The following CHD1L variants were observed in gnomAD, a reference collection of about 807,000 sequenced individuals.
The protein encoded by CHD1L is chromodomain helicase DNA binding protein 1 like, also known as ATP-dependent chromatin remodeler CHD1L.
In CHD1L, 118 loss-of-function variants were observed where a neutral mutation model predicts 115.9. That is an observed-to-expected ratio of 1.02 (90% CI 0.88 to 1.19). CHD1L has a LOEUF of 1.19. CHD1L is among the 50% of genes most tolerant of loss of function. The pLI, the probability that CHD1L is intolerant of heterozygous loss-of-function variation, is 0.00. For synonymous variants in CHD1L, 411 were observed against 387.1 expected (o/e 1.06, Z -0.72); for missense variants, 1,179 against 1,065.3 (o/e 1.11, Z -1.49).
chr1:147,258,011 A>G (rs1319810815), intron 5 of CHD1L, among the ~76,000 whole-genome samples: 8 of 152,210 alleles, frequency 5.3e-5, no homozygotes, highest in African/African-American at 1.9e-4. Context: ...TCCCAACAAC[A>G]TAGATACATT....
At chr1:147,190,731 G>A in the CHD1L span, among the ~76,000 whole-genome samples, 1 of 152,084 alleles carries the variant, frequency 6.6e-6, no homozygotes, top group African/African-American at 2.4e-5. Flanking sequence ...TGTGCACAAT[G>A]TGCAGGTTTG....
chr1:147,265,766 T>A (rs957473555), intron 7 of CHD1L, among the ~76,000 whole-genome samples, 166 bp from the exon 8 acceptor site: 1 of 152,164 alleles, frequency 6.6e-6, no homozygotes, highest in Admixed American at 6.5e-5. Context: ...AGAAAAAAGA[T>A]GATCCCAATG....
intron 21 of CHD1L, 30 bp from the exon 22 acceptor site, chr1:147,294,379 T>C: frequency 6.5e-7 from 1 of 1,536,980 alleles, no homozygotes; most frequent in South Asian, 1.2e-5. Flanking sequence ...TTTTGATGAG[T>C]GAAGACATGT....
the CHD1L span, among the ~76,000 whole-genome samples, chr1:147,218,403 T>C: frequency 7.5e-6 from 1 of 132,808 alleles, no homozygotes; most frequent in South Asian, 2.6e-4. Context: ...GCCTGGCTAA[T>C]TTTTTTTGTG....
chr1:147,195,020 C>T, the CHD1L span, among the ~76,000 whole-genome samples: 5 of 151,580 alleles, frequency 3.3e-5, no homozygotes, highest in African/African-American at 4.9e-5. Flanking sequence ...ATCTTTGTGG[C>T]GTTCTCTGTA....
At chr1:147,203,581 T>G in the CHD1L span, 2 of 1,051,484 alleles carry the variant, frequency 1.9e-6, no homozygotes, top group Non-Finnish European at 3.0e-6. Context: ...TTTCTGCCAG[T>G]GCACGGGGAA....
upstream of CHD1L, among the ~76,000 whole-genome samples, chr1:147,239,073 G>A (rs587727185): frequency 5.6e-4 from 85 of 152,232 alleles, no homozygotes; most frequent in Middle Eastern, 3.4e-3. Context: ...AAAGCCCCAC[G>A]TCTATCAGTT....
chr1:147,186,965 T>C, the CHD1L span: 1 of 1,614,182 alleles, frequency 6.2e-7, no homozygotes, highest in Admixed American at 1.7e-5. Context: ...ATTGTCATTG[T>C]TGAAGTCATA....
chr1:147,182,417 C>T, the CHD1L span, among the ~76,000 whole-genome samples: 7 of 152,170 alleles, frequency 4.6e-5, no homozygotes, highest in African/African-American at 1.7e-4. Context: ...AAAAGAGAAG[C>T]TGAAGAACTG....
intron 1 of CHD1L, among the ~76,000 whole-genome samples, chr1:147,247,945 T>C (rs1054005817): frequency 6.6e-6 from 1 of 152,348 alleles, no homozygotes; most frequent in Non-Finnish European, 1.5e-5. Context: ...TGTATGTCCA[T>C]TGCGTTATCC....
At chr1:147,206,043 C>G in the CHD1L span, among the ~76,000 whole-genome samples, 7 of 151,292 alleles carry the variant, frequency 4.6e-5, no homozygotes, top group South Asian at 1.5e-3. Context: ...TATCCAGAAT[C>G]TACAAAGAAC....
intron 6 of CHD1L, among the ~76,000 whole-genome samples, chr1:147,261,553 A>G (rs1432779253): frequency 6.6e-6 from 1 of 152,182 alleles, no homozygotes; most frequent in Non-Finnish European, 1.5e-5. Context: ...AGCAGTTGTC[A>G]TATCCTGGCA....
chr1:147,257,871 C>T (rs781829888), intron 5 of CHD1L, among the ~76,000 whole-genome samples: 2 of 152,100 alleles, frequency 1.3e-5, no homozygotes, highest in Non-Finnish European at 2.9e-5. Flanking sequence ...GCTAGTTGTA[C>T]TGGAGTTTTA....
At chr1:147,290,114 A>G (rs960022845) in intron 19 of CHD1L, among the ~76,000 whole-genome samples, 2 of 152,136 alleles carry the variant, frequency 1.3e-5, no homozygotes, top group Admixed American at 6.5e-5. Flanking sequence ...TGTTTTTGAG[A>G]TGGAGTCTCA....
At chr1:147,275,262 G>C (rs1051405864) in intron 12 of CHD1L, 92 bp from the exon 13 acceptor site, 6 of 886,784 alleles carry the variant, frequency 6.8e-6, no homozygotes, top group Non-Finnish European at 9.4e-6. Flanking sequence ...ACTGATTTCA[G>C]TTTATCAGTC....
chr1:147,228,183 C>CCACA, the CHD1L span, among the ~76,000 whole-genome samples: 1 of 151,614 alleles, frequency 6.6e-6, no homozygotes, highest in Non-Finnish European at 1.5e-5. Context: ...CAACAGGCCC[C>CCACA]AGTGTGTCAT....
At chr1:147,204,929 C>T in the CHD1L span, 1 of 1,554,216 alleles carries the variant, frequency 6.4e-7, no homozygotes, top group Non-Finnish European at 8.9e-7. Context: ...ACTTGAAGCG[C>T]CATGGCCAGC....
chr1:147,217,368 G>GA, the CHD1L span, among the ~76,000 whole-genome samples: 3 of 151,960 alleles, frequency 2.0e-5, no homozygotes, highest in Non-Finnish European at 4.4e-5. Flanking sequence ...CACAAATGAG[G>GA]AGTTTTCAAA....
At chr1:147,215,851 G>A in the CHD1L span, 2 of 1,613,614 alleles carry the variant, frequency 1.2e-6, no homozygotes, top group African/African-American at 1.3e-5. Context: ...ATAATGATCT[G>A]GGATTGGATA....
Sources: gnomAD v4.1 joint callset for allele counts (sites outside exome capture counted in the v4.1 genomes callset) on GRCh38, gnomAD v4.1.1 for gene constraint, MANE v1.5 for transcripts, NCBI Gene and HGNC (gene_info 2026-07-23, HGNC 2026-07-21) for gene names.